TMEM200A: variants seen among roughly 807,000 people sequenced by gnomAD.
The protein encoded by TMEM200A is transmembrane protein 200A.
In TMEM200A, 12 loss-of-function variants were observed where a neutral mutation model predicts 24.3. The ratio of observed to expected loss-of-function variants is 0.49; its 90% confidence interval spans 0.32 to 0.80. TMEM200A has a LOEUF of 0.80. TMEM200A is among the 30% of genes least tolerant of loss of function. The pLI is 0.04. For synonymous variants in TMEM200A, 224 were observed against 224.4 expected, an observed-to-expected ratio of 1.00 and a Z score of 0.02; for missense variants, 545 against 614.4, an observed-to-expected ratio of 0.89 and a Z score of 1.19.
intron 1 of TMEM200A, among the ~76,000 whole-genome samples, chr6:130,367,218 A>G (rs991666729): frequency 2.0e-5 from 3 of 152,210 alleles, no homozygotes; most frequent in Non-Finnish European, 2.9e-5. Context: ...TGCAGCACAT[A>G]CAGGTAATTG....
intron 1 of TMEM200A, among the ~76,000 whole-genome samples, chr6:130,380,294 A>T (rs556047866): frequency 6.6e-6 from 1 of 152,212 alleles, no homozygotes; most frequent in African/African-American, 2.4e-5. Flanking sequence ...CTTACTGTCA[A>T]CTCCATTGCT....
intron 2 of TMEM200A, among the ~76,000 whole-genome samples, chr6:130,398,445 T>G (rs1014356376): frequency 1.6e-4 from 12 of 76,842 alleles, no homozygotes; most frequent in African/African-American, 9.7e-4. Flanking sequence ...GCATGTGGGT[T>G]TTTTTTTTGA....
chr6:130,428,058 T>C (rs1218365772), intron 2 of TMEM200A, among the ~76,000 whole-genome samples: 1 of 152,192 alleles, frequency 6.6e-6, no homozygotes, highest in East Asian at 1.9e-4. Context: ...TATCCTGTTA[T>C]TGTTATCTTA....
intron 2 of TMEM200A, among the ~76,000 whole-genome samples, chr6:130,403,699 G>A (rs145801845): frequency 1.0e-3 from 152 of 151,822 alleles, no homozygotes; most frequent in Middle Eastern, 3.4e-3. Context: ...AAGTTCAGGG[G>A]TACAAGTGCA....
chr6:130,438,981 A>T (rs1320253008), intron 2 of TMEM200A: 1 of 149,652 alleles, frequency 6.7e-6, no homozygotes, highest in East Asian at 1.9e-4. Flanking sequence ...CAGCTGAAAC[A>T]TTGTTAACAA....
intron 1 of TMEM200A, among the ~76,000 whole-genome samples, chr6:130,374,154 G>A (rs991636350): frequency 3.9e-5 from 6 of 152,138 alleles, no homozygotes; most frequent in East Asian, 1.9e-4. Context: ...GGAACAGCCC[G>A]TGAGAGAAGT....
chr6:130,434,274 A>G (rs1583231056), intron 2 of TMEM200A, among the ~76,000 whole-genome samples: 1 of 152,338 alleles, frequency 6.6e-6, no homozygotes, highest in East Asian at 1.9e-4. Context: ...AACAAGAGTG[A>G]ACACTGGACT....
At chr6:130,402,918 T>A (rs1459523101) in intron 2 of TMEM200A, among the ~76,000 whole-genome samples, 2 of 152,110 alleles carry the variant, frequency 1.3e-5, no homozygotes, top group Non-Finnish European at 2.9e-5. Flanking sequence ...TATCTACATG[T>A]ATGCAAGAGT....
chr6:130,391,883 C>T (rs960891050), intron 2 of TMEM200A, among the ~76,000 whole-genome samples: 3 of 151,932 alleles, frequency 2.0e-5, no homozygotes, highest in African/African-American at 7.2e-5. Flanking sequence ...GCTGGGATAA[C>T]GGGTGCCCGC....
chr6:130,393,112 G>A (rs1778873684), intron 2 of TMEM200A, among the ~76,000 whole-genome samples: 2 of 152,182 alleles, frequency 1.3e-5, no homozygotes, highest in Admixed American at 6.5e-5. Flanking sequence ...AACCATGCAG[G>A]CATCTCTGTT....
intron 2 of TMEM200A, among the ~76,000 whole-genome samples, chr6:130,418,793 TATA>T (rs1242008807): frequency 3.3e-5 from 5 of 152,128 alleles, no homozygotes; most frequent in African/African-American, 1.2e-4. Context: ...AAAATTAATA[TATA>T]ATATTTTACA....
chr6:130,372,922 T>G (rs191580282), intron 1 of TMEM200A, among the ~76,000 whole-genome samples: 1 of 152,352 alleles, frequency 6.6e-6, no homozygotes, highest in Non-Finnish European at 1.5e-5. Context: ...ATGGTTACAA[T>G]GCTTTGAAAT....
intron 2 of TMEM200A, chr6:130,438,026 C>T (rs759496259): frequency 6.6e-6 from 1 of 152,134 alleles, no homozygotes; most frequent in African/African-American, 2.4e-5. Context: ...CAGACTAAAT[C>T]CTTAAGCCTG....
At chr6:130,409,967 G>A (rs921541003) in intron 2 of TMEM200A, among the ~76,000 whole-genome samples, 1 of 151,898 alleles carries the variant, frequency 6.6e-6, no homozygotes, top group African/African-American at 2.4e-5. Flanking sequence ...AAGATCTATG[G>A]TATTTATTGC....
chr6:130,425,952 T>G (rs1338280078), intron 2 of TMEM200A, among the ~76,000 whole-genome samples: 1 of 151,316 alleles, frequency 6.6e-6, no homozygotes, highest in Non-Finnish European at 1.5e-5. Context: ...CAAATGCTAA[T>G]TATTTATTTA....
At chr6:130,392,568 C>T (rs1778859588) in intron 2 of TMEM200A, among the ~76,000 whole-genome samples, 3 of 152,156 alleles carry the variant, frequency 2.0e-5, no homozygotes, top group Admixed American at 2.0e-4. Flanking sequence ...TTTCTTGATG[C>T]CTGTACAGAG....
At chr6:130,386,453 T>C (rs1427073620) in intron 2 of TMEM200A, among the ~76,000 whole-genome samples, 1 of 152,196 alleles carries the variant, frequency 6.6e-6, no homozygotes, top group Non-Finnish European at 1.5e-5. Flanking sequence ...GGAAACTATG[T>C]TATTGTCAGC....
At chr6:130,413,996 A>G (rs1158283503) in intron 2 of TMEM200A, among the ~76,000 whole-genome samples, 2 of 152,204 alleles carry the variant, frequency 1.3e-5, no homozygotes, top group African/African-American at 2.4e-5. Context: ...TTAGAGTATT[A>G]TTTATTTTTT....
intron 2 of TMEM200A, among the ~76,000 whole-genome samples, chr6:130,399,518 C>A (rs551120370): frequency 6.6e-6 from 1 of 151,876 alleles, no homozygotes; most frequent in South Asian, 2.1e-4. Context: ...ATCTGTAGCT[C>A]AATCCAGCCA....
Sources: allele counts gnomAD v4.1 joint callset (sites outside exome capture counted in the v4.1 genomes callset), GRCh38; gene constraint gnomAD v4.1.1; transcripts MANE v1.5; gene names NCBI Gene and HGNC (gene_info 2026-07-23, HGNC 2026-07-21).